The following TBPL1 variants were observed in gnomAD, a reference collection of about 807,000 sequenced individuals.
TBPL1 encodes TATA-box binding protein like 1, also known as TATA box-binding protein-like 1.
A neutral mutation model predicts 22.1 loss-of-function variants in TBPL1; 4 were observed. The observed-to-expected ratio is 0.18, with a 90% CI of 0.09 to 0.41. The LOEUF (loss-of-function observed/expected upper bound fraction) is 0.41, where lower values mean the gene tolerates loss of function less well. Among genes scored for constraint, TBPL1 ranks in the 10% least tolerant of loss-of-function variants. The pLI, the probability that TBPL1 is intolerant of heterozygous loss-of-function variation, is 1.00. For missense variants in TBPL1, 115 were observed against 222.3 expected (o/e 0.52, Z 3.07); for synonymous variants, 64 against 71.0 (o/e 0.90, Z 0.50).
chr6:133,969,386 A>C (rs1776179285), intron 1 of TBPL1, among the ~76,000 whole-genome samples: 1 of 151,896 alleles, frequency 6.6e-6, no homozygotes, highest in African/African-American at 2.4e-5. Flanking sequence ...TTGATACAAA[A>C]TTATTCACAT....
rs540462445 is a variant in TBPL1 at position 133,989,001 on chromosome 6, G to C, written c.*1961G>C. The C allele has an allele frequency of 3.3e-5, 5 of 152,226 alleles. No individual in the cohort carries two copies. In the South Asian group the frequency reaches 1.0e-3, roughly 32 times the overall value. The allele number at this position is 152,226 out of a possible 1,614,324, so 9.4% of individuals were successfully genotyped here. A position where few individuals can be genotyped will look rare whatever the true frequency, so the allele number is the denominator to read the frequency against. ...TAGTATTCGCATGACTTGAAAACTG[G>C]GCAGATCAATAGATAATCGAAGTGC... On this transcript the variant is annotated 3_prime_UTR_variant, in exon 7 of 7. Coordinates refer to ENST00000237264, the MANE Select transcript of TBPL1 (RefSeq NM_004865.4).
rs889097833 is a variant in TBPL1 at position 133,977,602 on chromosome 6, A to G, written c.-44-2480A>G. ...TAAATTTGATAGTTGATTCGCATGA[A>G]GTTTCTTCTTCAGTAGTTGCCTTGT... is the stretch of plus-strand genomic sequence containing the variant. On this transcript the variant is annotated intron_variant, in intron 1 of 6. Coordinates refer to ENST00000237264, the MANE Select transcript of TBPL1 (RefSeq NM_004865.4). Among the ~76,000 whole-genome samples, 11 of 152,202 alleles carry G rather than the reference A, an allele frequency of 7.2e-5. 1 individual carries two copies. The highest frequency in any genetic ancestry group is 2.0e-4 in the Admixed American group (3 of 15,288).
chr6:133,970,785 G>GA (rs1776206565), intron 1 of TBPL1, among the ~76,000 whole-genome samples: 1 of 152,094 alleles, frequency 6.6e-6, no homozygotes, highest in South Asian at 2.1e-4. Context: ...ATTTGTTGTA[G>GA]AAATTGAGTC....
At chr6:133,979,721 A>T (rs567785847) in intron 1 of TBPL1, among the ~76,000 whole-genome samples, 7 of 152,116 alleles carry the variant, frequency 4.6e-5, no homozygotes, top group African/African-American at 1.7e-4. Context: ...ATCTCGGCTC[A>T]CTGCAACCTC....
upstream of TBPL1, chr6:133,952,338 C>T (rs1775845790): frequency 1.3e-5 from 2 of 152,460 alleles, no homozygotes; most frequent in Non-Finnish European, 2.9e-5. This position sits in a 1 kb window ranked among gnomAD's most constrained non-coding sequence, Gnocchi z 4.5. Flanking sequence ...GGAGGGTCTC[C>T]GTTCCTAGAG....
intron 1 of TBPL1, among the ~76,000 whole-genome samples, chr6:133,978,023 T>C (rs533670559): frequency 1.6e-4 from 25 of 152,326 alleles, no homozygotes; most frequent in African/African-American, 5.8e-4. Context: ...CAGTTGGCTA[T>C]ACCAGTTGTT....
chr6:133,982,923 C>A, intron 4 of TBPL1, 43 bp downstream of exon 4: 1 of 1,530,398 alleles, frequency 6.5e-7, no homozygotes, highest in Non-Finnish European at 8.9e-7. Context: ...TATTCAAGGA[C>A]TTATTTTTAT....
At chr6:133,957,363 T>G (rs529536186) in intron 1 of TBPL1, among the ~76,000 whole-genome samples, 1 of 152,182 alleles carries the variant, frequency 6.6e-6, no homozygotes, top group Non-Finnish European at 1.5e-5. Flanking sequence ...TTAGGACATA[T>G]GTGGATGATT....
chr6:133,979,495 G>T (rs1776371085), intron 1 of TBPL1, among the ~76,000 whole-genome samples: 1 of 152,160 alleles, frequency 6.6e-6, no homozygotes, highest in Non-Finnish European at 1.5e-5. Context: ...GTTTGTAGAG[G>T]TGAATAGCAG....
At chr6:133,976,531 T>G (rs1303752209) in intron 1 of TBPL1, among the ~76,000 whole-genome samples, 1 of 152,230 alleles carries the variant, frequency 6.6e-6, no homozygotes, top group South Asian at 2.1e-4. Context: ...TTTATTGTTT[T>G]TCTTGTTTTA....
intron 6 of TBPL1, among the ~76,000 whole-genome samples, chr6:133,984,943 C>T (rs925104710): frequency 7.2e-5 from 11 of 151,734 alleles, no homozygotes; most frequent in African/African-American, 2.7e-4. Context: ...GTAGATCATT[C>T]GTTCTTATTG....
chr6:133,984,171 T>A (rs1776466656), intron 4 of TBPL1, among the ~76,000 whole-genome samples: 1 of 152,188 alleles, frequency 6.6e-6, no homozygotes, highest in South Asian at 2.1e-4. Context: ...ATACCTCAGT[T>A]TTTAATTTTT....
intron 1 of TBPL1, among the ~76,000 whole-genome samples, chr6:133,964,250 T>G (rs1776078729): frequency 6.6e-6 from 1 of 152,152 alleles, no homozygotes. Flanking sequence ...GTGTTTATCC[T>G]TTTTGAGTGA....
intron 1 of TBPL1, among the ~76,000 whole-genome samples, chr6:133,970,986 C>T (rs1776210508): frequency 6.6e-6 from 1 of 152,116 alleles, no homozygotes; most frequent in African/African-American, 2.4e-5. Context: ...TTATGATATA[C>T]TTTACTGTTC....
rs1368889498 is a variant in TBPL1 at position 133,972,700 on chromosome 6, GTTTGTTTT to G, written c.-44-7378_-44-7371del. ...TTGGTGTTTGTTTGTTTGTTTGTTTGTTTGTTTTTTTCCCCTCATCTGTAACTGTTCTC... is the reference window on the plus strand; with the variant it reads ...TTGGTGTTTGTTTGTTTGTTTGTTTGTTTCCCCTCATCTGTAACTGTTCTC... On this transcript the variant is annotated intron_variant, in intron 1 of 6. Transcript: ENST00000237264. Among the ~76,000 whole-genome samples, 3 of 151,924 alleles carry G rather than the reference GTTTGTTTT, an allele frequency of 2.0e-5. No individual in the cohort carries two copies. The Admixed American group carries it at 2.0e-4, about 10-fold the overall frequency.
At chr6:133,956,552 G>A (rs927594723) in intron 1 of TBPL1, among the ~76,000 whole-genome samples, 1 of 148,194 alleles carries the variant, frequency 6.7e-6, no homozygotes, top group Non-Finnish European at 1.5e-5. Context: ...AGGATCAGGA[G>A]TATGAGTAGC....
rs765904782 is a variant in TBPL1 at position 133,982,680 on chromosome 6, T to A, written c.218+30T>A. On this transcript the variant is annotated intron_variant, in intron 3 of 6. Transcript: ENST00000237264. ...ATGCTACTTGGGTTTTTTGTTTTTA[T>A]TTTTTACTTTTTCCCTCATGGAAAG... 28 of 1,600,170 alleles carry A rather than the reference T, an allele frequency of 1.7e-5. No individual in the cohort carries two copies. The African/African-American group carries it at 3.8e-4, about 22-fold the overall frequency.
intron 6 of TBPL1, 93 bp from the exon 7 acceptor site, chr6:133,986,868 C>A: frequency 1.3e-6 from 1 of 787,068 alleles, no homozygotes; most frequent in African/African-American, 1.8e-5. Context: ...ATATTCTATA[C>A]CACTTGAATA....
chr6:133,985,787 A>G (rs904873058), intron 6 of TBPL1: 2 of 152,154 alleles, frequency 1.3e-5, no homozygotes, highest in Non-Finnish European at 2.9e-5. Flanking sequence ...GGGTTTTTCC[A>G]TCTTCCTTGG....
Sources: allele counts gnomAD v4.1 joint callset (sites outside exome capture counted in the v4.1 genomes callset), GRCh38; gene constraint gnomAD v4.1.1; non-coding constraint Gnocchi (gnomAD v3.1); transcripts MANE v1.5; gene names NCBI Gene and HGNC (gene_info 2026-07-23, HGNC 2026-07-21).